The following MLXIPL variants were observed in gnomAD, a reference collection of about 807,000 sequenced individuals.
MLXIPL encodes the protein carbohydrate-responsive element-binding protein.
In MLXIPL, 49 loss-of-function variants were observed where a neutral mutation model predicts 81.5. The ratio of observed to expected loss-of-function variants is 0.60; its 90% CI spans 0.48 to 0.76. MLXIPL has a LOEUF of 0.76. Among genes scored for constraint, MLXIPL ranks in the 30% least tolerant of loss-of-function variants. MLXIPL has a pLI of 0.00. For synonymous variants in MLXIPL, 466 were observed against 485.5 expected (o/e 0.96, Z 0.53); for missense variants, 1,053 against 1,167.0 (o/e 0.90, Z 1.42).
intron 2 of MLXIPL, chr7:73,610,722 C>G (rs1554599549): frequency 1.3e-5 from 2 of 151,638 alleles, no homozygotes; most frequent in East Asian, 3.9e-4. Context: ...CGATCCACCT[C>G]CCTCGGCCTC....
the MLXIPL span, among the ~76,000 whole-genome samples, chr7:73,646,170 C>A: frequency 6.6e-6 from 1 of 152,200 alleles, no homozygotes. Context: ...CATTTAGCCA[C>A]CACAGGGCTG....
At chr7:73,629,931 G>T in the MLXIPL span, among the ~76,000 whole-genome samples, 1 of 151,962 alleles carries the variant, frequency 6.6e-6, no homozygotes, top group Non-Finnish European at 1.5e-5. Flanking sequence ...TAGCAGGTCC[G>T]CAGGATCTTC....
At chr7:73,640,835 C>T in the MLXIPL span, among the ~76,000 whole-genome samples, 1 of 151,724 alleles carries the variant, frequency 6.6e-6, no homozygotes, top group Non-Finnish European at 1.5e-5. Context: ...GAACCCTCTC[C>T]CTCTTCTTGA....
chr7:73,646,408 C>T, the MLXIPL span, among the ~76,000 whole-genome samples: 1 of 152,194 alleles, frequency 6.6e-6, no homozygotes, highest in Non-Finnish European at 1.5e-5. Context: ...ACCCCTATAT[C>T]GGCCAGAGGA....
At chr7:73,642,960 G>A in the MLXIPL span, among the ~76,000 whole-genome samples, 4 of 152,332 alleles carry the variant, frequency 2.6e-5, no homozygotes, top group Admixed American at 2.6e-4. Context: ...CTCTCTAGGG[G>A]CCTCCAGCCA....
At chr7:73,602,492 G>T (rs1408668439) in intron 7 of MLXIPL, among the ~76,000 whole-genome samples, 1 of 150,022 alleles carries the variant, frequency 6.7e-6, no homozygotes, top group Non-Finnish European at 1.5e-5. Context: ...CCAATGAGGG[G>T]AAACCCCGTT....
chr7:73,624,322 C>A lies in MLXIPL; in HGVS notation c.171G>T (p.Pro57=), dbSNP rs782563124. ...IHSGHFMVSS[P]HSDSLPRRRD... ...GCCGCCGGGGCAGCGAGTCGCTGTG[C>A]GGCGACGACACCATGAAGTGACCGC... The change falls in exon 1 of 17, where the codon CCG becomes CCT. Residue 57 remains proline (P), a synonymous_variant. Transcript: ENST00000313375. 15 of 1,586,948 alleles carry A rather than the reference C, an allele frequency of 9.5e-6. No homozygotes were observed. The highest frequency in any genetic ancestry group is 1.2e-5 in the Non-Finnish European group (14 of 1,168,988).
chr7:73,633,831 T>C, the MLXIPL span, among the ~76,000 whole-genome samples: 4 of 152,166 alleles, frequency 2.6e-5, no homozygotes, highest in Non-Finnish European at 4.4e-5. Context: ...CTCTTTTCAC[T>C]GACCCCTCAG....
At chr7:73,615,669 C>T (rs1444939730) in intron 2 of MLXIPL, among the ~76,000 whole-genome samples, 1 of 152,086 alleles carries the variant, frequency 6.6e-6, no homozygotes, top group East Asian at 1.9e-4. Context: ...AATCCCAGCA[C>T]TTTGGGAGGC....
the MLXIPL span, among the ~76,000 whole-genome samples, chr7:73,632,408 T>C: frequency 1.3e-5 from 2 of 152,212 alleles, no homozygotes; most frequent in Non-Finnish European, 2.9e-5. Flanking sequence ...TATGTTAGAC[T>C]TAGTGGTTTT....
chr7:73,642,337 G>A, the MLXIPL span, among the ~76,000 whole-genome samples: 2 of 150,882 alleles, frequency 1.3e-5, no homozygotes, highest in Non-Finnish European at 3.0e-5. Flanking sequence ...TTTTAATGGA[G>A]GTTTCTATTT....
chr7:73,604,260 T>C (rs1795113571), intron 7 of MLXIPL, among the ~76,000 whole-genome samples: 2 of 132,896 alleles, frequency 1.5e-5, no homozygotes. Flanking sequence ...CAAGATATGA[T>C]GCATGCCTGG....
the MLXIPL span, among the ~76,000 whole-genome samples, chr7:73,638,839 T>C: frequency 6.6e-6 from 1 of 152,128 alleles, no homozygotes; most frequent in Non-Finnish European, 1.5e-5. Context: ...TCCAGGCTGG[T>C]CTTGAACTCC....
Position 73,596,834 on chromosome 7 carries a change from C to T in MLXIPL, c.1671+31G>A. The T allele has an allele frequency of 1.9e-6, 3 of 1,608,888 alleles. 1 individual carries two copies. Among genetic ancestry groups the T allele is most frequent in the South Asian group, 2.2e-5 (2 of 89,944 alleles). ...AGAGTCGGGTTGAAGGCCGTGGGCACAGCCCCACCGCCCAGTGCCCGAGAT... is the reference window on the plus strand; with the variant it reads ...AGAGTCGGGTTGAAGGCCGTGGGCATAGCCCCACCGCCCAGTGCCCGAGAT... On this transcript the variant is annotated intron_variant, in intron 10 of 16. Coordinates refer to ENST00000313375, the MANE Select transcript of MLXIPL (RefSeq NM_032951.3). The surrounding 1 kb of genome is among the most constrained non-coding windows in gnomAD (Gnocchi z 4.7).
chr7:73,625,000 A>G (rs1329357684), upstream of MLXIPL, among the ~76,000 whole-genome samples: 1 of 151,960 alleles, frequency 6.6e-6, no homozygotes, highest in African/African-American at 2.4e-5. Context: ...GTTCGACAAT[A>G]TGGCAAAACC....
At chr7:73,615,432 A>C (rs1329053156) in intron 2 of MLXIPL, among the ~76,000 whole-genome samples, 2 of 152,138 alleles carry the variant, frequency 1.3e-5, no homozygotes, top group Non-Finnish European at 2.9e-5. Context: ...GCACCCAACT[A>C]TGCTAATGGG....
chr7:73,602,130 G>GCCTGCCTGCCTGCCTGCCTTCCTT (rs1461829446), intron 7 of MLXIPL, among the ~76,000 whole-genome samples: 4 of 80,544 alleles, frequency 5.0e-5, no homozygotes, highest in African/African-American at 2.2e-4. Flanking sequence ...CTGCCTGCCT[G>GCCTGCCTGCCTGCCTGCCTTCCTT]CCTTCCTTCC....
intron 7 of MLXIPL, among the ~76,000 whole-genome samples, chr7:73,603,614 C>T (rs868986161): frequency 6.6e-6 from 1 of 152,094 alleles, no homozygotes; most frequent in East Asian, 1.9e-4. Flanking sequence ...ATTAGGAGGT[C>T]ACTAAGACTA....
intron 15 of MLXIPL, 131 bp downstream of exon 15, chr7:73,595,506 C>A (rs1255931605): frequency 1.4e-5 from 22 of 1,596,082 alleles, no homozygotes; most frequent in African/African-American, 2.7e-5. Flanking sequence ...GGGGCAGAGC[C>A]AGAGCCTGTC....
Sources: gnomAD v4.1 joint callset for allele counts (sites outside exome capture counted in the v4.1 genomes callset) on GRCh38, gnomAD v4.1.1 for gene constraint, Gnocchi (gnomAD v3.1) non-coding constraint, MANE v1.5 for transcripts, NCBI Gene and HGNC (gene_info 2026-07-23, HGNC 2026-07-21) for gene names.